Variants in PTPRG observed in about 807,000 individuals in gnomAD.
The protein encoded by PTPRG is protein tyrosine phosphatase receptor type G.
A neutral mutation model predicts 165.3 loss-of-function variants in PTPRG; 102 were observed. The ratio of observed to expected loss-of-function variants is 0.62; its 90% confidence interval spans 0.53 to 0.73. The LOEUF is 0.73. Ranked by LOEUF, PTPRG falls within the 30% of genes least tolerant of loss-of-function variation. The pLI, the probability that PTPRG is intolerant of heterozygous loss-of-function variation, is 0.00. For synonymous variants in PTPRG, 675 were observed against 669.5 expected (o/e 1.01, Z -0.13); for missense variants, 1,866 against 1,861.4 (o/e 1.00, Z -0.05).
At chr3:61,995,111 CAG>C (rs1233666654) in intron 3 of PTPRG, among the ~76,000 whole-genome samples, 2 of 90,998 alleles carry the variant, frequency 2.2e-5, no homozygotes, top group Admixed American at 1.5e-4. Context: ...TTTTTTGAGA[CAG>C]AGTCTTGCTA....
chr3:62,285,214 G>A (rs910606525), intron 28 of PTPRG, among the ~76,000 whole-genome samples: 7 of 152,044 alleles, frequency 4.6e-5, no homozygotes, highest in African/African-American at 1.7e-4. Flanking sequence ...TTGCACGAAC[G>A]GGTATGTGTT....
chr3:61,877,806 C>T (rs1409977185), intron 2 of PTPRG, among the ~76,000 whole-genome samples: 5 of 152,122 alleles, frequency 3.3e-5, no homozygotes, highest in Non-Finnish European at 7.4e-5. Flanking sequence ...TCTGAACAAA[C>T]TGTGTGTGTT....
chr3:62,269,606 A>C (rs1032600562), intron 20 of PTPRG, among the ~76,000 whole-genome samples: 6 of 152,194 alleles, frequency 3.9e-5, no homozygotes, highest in Admixed American at 3.3e-4. Flanking sequence ...ATGCTACATA[A>C]TATATATCCC....
chr3:61,634,600 T>C (rs188570284), intron 1 of PTPRG, among the ~76,000 whole-genome samples: 24 of 152,224 alleles, frequency 1.6e-4, no homozygotes, highest in African/African-American at 5.5e-4. Flanking sequence ...ATGCTTTTTC[T>C]GTGGAAACCT....
Position 61,777,326 on chromosome 3 carries a change from A to G in PTPRG, c.190+28344A>G, listed in dbSNP as rs1052406163. Among the ~76,000 whole-genome samples, 4 of 152,232 alleles carry G rather than the reference A, an allele frequency of 2.6e-5. No homozygotes were observed. In the East Asian group the frequency reaches 7.7e-4, roughly 29 times the overall value. ...AGGAACTGAATTTTGAATTAAATTA[A>G]ATTTAAATTTAAATAGCCACATGTG... On this transcript the variant is annotated intron_variant, in intron 2 of 29. Coordinates refer to ENST00000474889, the MANE Select transcript of PTPRG (RefSeq NM_002841.4).
At chr3:62,003,077 A>ATTT (rs1553703292) in intron 3 of PTPRG, among the ~76,000 whole-genome samples, 1 of 147,542 alleles carries the variant, frequency 6.8e-6, no homozygotes, top group East Asian at 2.0e-4. Flanking sequence ...CATTGTTTCC[A>ATTT]TTTTTTTTTT....
intron 17 of PTPRG, chr3:62,263,914 G>C (rs1167715350): frequency 6.6e-6 from 1 of 152,226 alleles, no homozygotes; most frequent in Non-Finnish European, 1.5e-5. Context: ...TTGGGAGGCT[G>C]AGGCGGGCGG....
intron 1 of PTPRG, among the ~76,000 whole-genome samples, chr3:61,581,323 T>C (rs1700288011): frequency 6.6e-6 from 1 of 152,194 alleles, no homozygotes; most frequent in Non-Finnish European, 1.5e-5. Flanking sequence ...CAGACTCAAG[T>C]GTAAAAGCTC....
At chr3:62,002,562 A>G (rs960494662) in intron 3 of PTPRG, among the ~76,000 whole-genome samples, 2 of 152,192 alleles carry the variant, frequency 1.3e-5, no homozygotes, top group African/African-American at 4.8e-5. Context: ...GTTATTCTCA[A>G]TTTCTCCTTC....
At chr3:62,159,401 C>T (rs766634876) in intron 7 of PTPRG, among the ~76,000 whole-genome samples, 5 of 151,970 alleles carry the variant, frequency 3.3e-5, no homozygotes, top group Non-Finnish European at 5.9e-5. Flanking sequence ...TATAGAATTC[C>T]ATGTAAGGAG....
chr3:61,909,121 T>A (rs2038733708), intron 2 of PTPRG, among the ~76,000 whole-genome samples: 1 of 152,226 alleles, frequency 6.6e-6, no homozygotes, highest in African/African-American at 2.4e-5. Context: ...AATTTTGAGA[T>A]AATTTTTTAA....
chr3:61,834,638 C>T (rs1255321824), intron 2 of PTPRG, among the ~76,000 whole-genome samples: 2 of 152,102 alleles, frequency 1.3e-5, no homozygotes, highest in Non-Finnish European at 1.5e-5. Flanking sequence ...CATGGTGAAA[C>T]ACTGTCTCTA....
intron 17 of PTPRG, among the ~76,000 whole-genome samples, chr3:62,266,771 C>T (rs1379469113): frequency 6.7e-6 from 1 of 149,452 alleles, no homozygotes; most frequent in Non-Finnish European, 1.5e-5. Context: ...CCTCAGCTTC[C>T]TTTTACTTAT....
intron 2 of PTPRG, among the ~76,000 whole-genome samples, chr3:61,872,308 A>C (rs979503222): frequency 6.6e-6 from 1 of 152,088 alleles, no homozygotes; most frequent in African/African-American, 2.4e-5. Flanking sequence ...CTGTGATTAC[A>C]CCTGTGAATA....
intron 5 of PTPRG, among the ~76,000 whole-genome samples, chr3:62,105,859 C>G (rs116524005): frequency 1.4e-3 from 220 of 152,294 alleles, no homozygotes; most frequent in African/African-American, 4.8e-3. Context: ...GTCATTAAAT[C>G]ATTCACTTAA....
chr3:61,592,966 G>A (rs1457050060), intron 1 of PTPRG, among the ~76,000 whole-genome samples: 1 of 151,966 alleles, frequency 6.6e-6, no homozygotes, highest in Admixed American at 6.5e-5. Context: ...AACAATATAG[G>A]TGCTGACTGG....
intron 2 of PTPRG, among the ~76,000 whole-genome samples, chr3:61,856,958 C>G (rs1234476248): frequency 1.3e-5 from 2 of 152,170 alleles, no homozygotes. Context: ...TGATGACTTT[C>G]AAGTCTTCTA....
intron 1 of PTPRG, among the ~76,000 whole-genome samples, chr3:61,693,824 A>G (rs1201628504): frequency 6.6e-6 from 1 of 151,990 alleles, no homozygotes; most frequent in Non-Finnish European, 1.5e-5. Context: ...TGGGCAACAC[A>G]GTGAAACCCC....
intron 1 of PTPRG, among the ~76,000 whole-genome samples, chr3:61,689,656 T>C (rs1211491380): frequency 6.6e-6 from 1 of 152,224 alleles, no homozygotes; most frequent in African/African-American, 2.4e-5. Flanking sequence ...CAGATCTTTT[T>C]CTCTCAGGGT....
Sources: gnomAD v4.1 joint callset for allele counts (sites outside exome capture counted in the v4.1 genomes callset) on GRCh38, gnomAD v4.1.1 for gene constraint, MANE v1.5 for transcripts, NCBI Gene and HGNC (gene_info 2026-07-23, HGNC 2026-07-21) for gene names.